LY86: variants seen among roughly 807,000 people sequenced by gnomAD.
LY86 encodes MD-1, RP105-associated.
In LY86, 20 loss-of-function variants were observed where a neutral mutation model predicts 17.3. That is an observed-to-expected ratio of 1.15 (90% CI 0.81 to 1.68). The LOEUF (loss-of-function observed/expected upper bound fraction) is 1.68. LY86 is among the 40% of genes most tolerant of loss of function. The pLI is 0.00. For synonymous variants in LY86, 74 were observed against 70.6 expected (o/e 1.05, Z -0.24); for missense variants, 200 against 191.9 (o/e 1.04, Z -0.25).
chr6:6,589,146 C>T (rs1371316326), intron 1 of LY86, among the ~76,000 whole-genome samples: 1 of 151,990 alleles, frequency 6.6e-6, no homozygotes, highest in Non-Finnish European at 1.5e-5. Context: ...ACCACAGAAC[C>T]CAAAAAAGAA....
At chr6:6,651,939 G>A (rs936666943) in intron 4 of LY86, among the ~76,000 whole-genome samples, 3 of 150,754 alleles carry the variant, frequency 2.0e-5, no homozygotes, top group African/African-American at 7.3e-5. Flanking sequence ...GCCTGTAATC[G>A]CAGCCACTCG....
intron 3 of LY86, among the ~76,000 whole-genome samples, chr6:6,631,497 G>T (rs535884156): frequency 1.2e-4 from 18 of 152,308 alleles, no homozygotes; most frequent in African/African-American, 3.4e-4. Context: ...TCATCTTTGG[G>T]CATAACCAGC....
intron 1 of LY86, chr6:6,591,210 G>C (rs1760514427): frequency 6.5e-6 from 1 of 153,774 alleles, no homozygotes; most frequent in South Asian, 2.1e-4. Context: ...AAGAGGACTG[G>C]GCACGTCAGG....
chr6:6,626,349 G>T lies in LY86; in HGVS notation c.280G>T (p.Val94Phe). The change falls in exon 3 of 5, where the codon GTT becomes TTT. Residue 94 changes from valine (V) to phenylalanine (F), a missense_variant. By Grantham distance (50) the Val-to-Phe change is conservative. Coordinates refer to ENST00000230568, the MANE Select transcript of LY86 (RefSeq NM_004271.4). ...DLALMSQGSS[V>F]LNFSYPICEA... Reference sequence around the variant, plus strand: ...AGCTCTCATGTCTCAAGGCTCATCTGTTTTGAATTTCTCCTATCCCATCTG... The same window carrying T: ...AGCTCTCATGTCTCAAGGCTCATCTTTTTTGAATTTCTCCTATCCCATCTG... 6.2e-7 allele frequency: 1 copy of T among 1,614,026 alleles called. No individual in the cohort carries two copies.
intron 1 of LY86, among the ~76,000 whole-genome samples, chr6:6,610,932 G>A (rs1007194608): frequency 6.6e-6 from 1 of 152,170 alleles, no homozygotes; most frequent in African/African-American, 2.4e-5. Context: ...GCCAAGGAAG[G>A]CTCCTTCTTT....
chr6:6,612,985 TA>T, intron 1 of LY86, among the ~76,000 whole-genome samples: 1 of 151,968 alleles, frequency 6.6e-6, no homozygotes. Context: ...ATTGGTGTGT[TA>T]ACAATCCTTG....
chr6:6,605,032 GA>G (rs11420827), intron 1 of LY86, among the ~76,000 whole-genome samples: 6 of 149,760 alleles, frequency 4.0e-5, no homozygotes, highest in African/African-American at 4.9e-5. Context: ...AGACTTTGGA[GA>G]AAAAAAAATC....
intron 1 of LY86, among the ~76,000 whole-genome samples, chr6:6,607,343 A>C (rs1163964364): frequency 1.3e-5 from 2 of 152,264 alleles, no homozygotes; most frequent in Non-Finnish European, 2.9e-5. Flanking sequence ...AAAAACAAAT[A>C]TATACATACT....
At chr6:6,649,062 A>G (rs1762147945) in intron 3 of LY86, among the ~76,000 whole-genome samples, 1 of 152,254 alleles carries the variant, frequency 6.6e-6, no homozygotes, top group Admixed American at 6.5e-5. Context: ...AAGAGGTTTA[A>G]CAGACTCACA....
intron 1 of LY86, among the ~76,000 whole-genome samples, chr6:6,608,420 A>G (rs1010955048): frequency 8.5e-5 from 13 of 152,218 alleles, no homozygotes; most frequent in African/African-American, 3.1e-4. Flanking sequence ...ATCGACTACA[A>G]TTGTGTCCCT....
chr6:6,606,383 C>T (rs575038708), intron 1 of LY86, among the ~76,000 whole-genome samples: 1 of 152,216 alleles, frequency 6.6e-6, no homozygotes, highest in African/African-American at 2.4e-5. Context: ...AAGTCCCCCC[C>T]AGACTCAGGA....
At position 6,654,847 on chromosome 6, in the gene LY86, C is replaced by T. The variant is rs771946737; in HGVS notation, c.*220C>T. 2.1e-4 allele frequency: 117 copies of T among 545,166 alleles called. No homozygotes were observed. Among genetic ancestry groups the T allele is most frequent in the Middle Eastern group, 1.9e-3 (4 of 2,120 alleles). 33.8% of individuals were successfully genotyped at this position (545,166 alleles called of 1,614,324 possible). A position where few individuals can be genotyped will look rare whatever the true frequency, so the allele number is the denominator to read the frequency against. ...CCGAATGTATCTGTTTCTAAGGAGCCTCTTGGCAGTCCTTAAGCAGTCTTG... is the reference window on the plus strand; with the variant it reads ...CCGAATGTATCTGTTTCTAAGGAGCTTCTTGGCAGTCCTTAAGCAGTCTTG... On this transcript the variant is annotated 3_prime_UTR_variant, in exon 5 of 5. Transcript: ENST00000230568.
intron 1 of LY86, among the ~76,000 whole-genome samples, chr6:6,617,000 C>T (rs1266431042): frequency 1.3e-5 from 2 of 152,350 alleles, no homozygotes; most frequent in African/African-American, 4.8e-5. Context: ...GTGAAATCCA[C>T]ATTGGCAGCG....
chr6:6,633,799 T>A (rs1230591398), intron 3 of LY86, among the ~76,000 whole-genome samples: 1 of 152,236 alleles, frequency 6.6e-6, no homozygotes, highest in Non-Finnish European at 1.5e-5. Context: ...AAATAATTTG[T>A]GTATTGATTC....
chr6:6,615,682 A>G (rs894837323), intron 1 of LY86, among the ~76,000 whole-genome samples: 1 of 143,544 alleles, frequency 7.0e-6, no homozygotes, highest in Non-Finnish European at 1.5e-5. Flanking sequence ...AGATTGTGCC[A>G]TTGCACTCCA....
intron 1 of LY86, among the ~76,000 whole-genome samples, chr6:6,611,239 A>G (rs184125735): frequency 4.7e-4 from 71 of 152,306 alleles, no homozygotes; most frequent in African/African-American, 1.7e-3. Flanking sequence ...AGTCTTTGGG[A>G]CTTGAGTTTT....
intron 1 of LY86, among the ~76,000 whole-genome samples, chr6:6,599,456 G>GAGGGAAGCA (rs908526786): frequency 1.3e-5 from 2 of 152,236 alleles, no homozygotes; most frequent in Non-Finnish European, 2.9e-5. Context: ...CTAGGGATAA[G>GAGGGAAGCA]AGGGAAGCAT....
At chr6:6,618,530 G>T (rs569819252) in intron 1 of LY86, among the ~76,000 whole-genome samples, 13 of 152,054 alleles carry the variant, frequency 8.5e-5, no homozygotes, top group African/African-American at 2.7e-4. Flanking sequence ...ATTCACCAAG[G>T]TTGCCAGGCA....
intron 1 of LY86, among the ~76,000 whole-genome samples, chr6:6,612,426 A>G (rs1351364001): frequency 1.3e-5 from 2 of 152,240 alleles, no homozygotes; most frequent in Non-Finnish European, 2.9e-5. Context: ...GCCTCATAAA[A>G]GAAACCGCAA....
Sources: gnomAD v4.1 joint callset for allele counts (sites outside exome capture counted in the v4.1 genomes callset) on GRCh38, gnomAD v4.1.1 for gene constraint, MANE v1.5 for transcripts, NCBI Gene and HGNC (gene_info 2026-07-23, HGNC 2026-07-21) for gene names.